Variants in COL23A1 observed in about 807,000 individuals in gnomAD.
COL23A1 encodes collagen alpha-1(XXIII) chain.
A neutral mutation model predicts 99.3 loss-of-function variants in COL23A1; 97 were observed. The ratio of observed to expected loss-of-function variants is 0.98; its 90% confidence interval spans 0.83 to 1.16. COL23A1 has a LOEUF of 1.16. Ranked by LOEUF, COL23A1 falls within the 50% of genes most tolerant of loss-of-function variation. The pLI is 0.00. For missense variants in COL23A1, 762 were observed against 757.4 expected, an observed-to-expected ratio of 1.01 and a Z score of -0.07; for synonymous variants, 320 against 308.2, an observed-to-expected ratio of 1.04 and a Z score of -0.40.
At chr5:178,393,298 G>C (rs12658363) in intron 2 of COL23A1, among the ~76,000 whole-genome samples, 1 of 152,056 alleles carries the variant, frequency 6.6e-6, no homozygotes, top group Non-Finnish European at 1.5e-5. Context: ...AGTCACGGAA[G>C]GACAAATGCT....
intron 2 of COL23A1, among the ~76,000 whole-genome samples, chr5:178,431,579 T>C (rs773305900): frequency 6.6e-6 from 1 of 152,188 alleles, no homozygotes; most frequent in African/African-American, 2.4e-5. Context: ...GTAGGCGATG[T>C]GGCCATGGAG....
In COL23A1 at chr5:178,589,620, G is replaced by A. The variant is rs1215255870; in HGVS notation, c.294+284C>T. ...GCACACCCCGTGGAGACTGACCCTA[G>A]GTCTGTTACTCCAAAGTCCCTGGTC... On this transcript the variant is annotated intron_variant, in intron 1 of 28. Transcript: ENST00000390654. The surrounding 1 kb of genome is among the most constrained non-coding windows in gnomAD (Gnocchi z 5.4). Among the ~76,000 whole-genome samples, 1 of 152,146 alleles carries A rather than the reference G, an allele frequency of 6.6e-6. No homozygotes were observed. Among genetic ancestry groups the A allele is most frequent in the African/African-American group, 2.4e-5 (1 of 41,444 alleles).
chr5:178,479,094 C>A (rs1482647360), intron 2 of COL23A1, among the ~76,000 whole-genome samples: 1 of 137,850 alleles, frequency 7.3e-6, no homozygotes, highest in African/African-American at 2.4e-5. Flanking sequence ...ACACAAGGAT[C>A]ACCCTCATGA....
intron 2 of COL23A1, among the ~76,000 whole-genome samples, chr5:178,400,108 T>G (rs1764357272): frequency 6.6e-6 from 1 of 152,134 alleles, no homozygotes. Context: ...GGCTCACACC[T>G]GTAATCCCAG....
intron 2 of COL23A1, among the ~76,000 whole-genome samples, chr5:178,401,171 T>C (rs183229456): frequency 6.0e-4 from 91 of 152,370 alleles, no homozygotes; most frequent in South Asian, 1.0e-3. Flanking sequence ...CTTTGTAACA[T>C]GTGTCAGCAT....
chr5:178,349,228 G>C (rs1394690146), intron 2 of COL23A1, among the ~76,000 whole-genome samples: 3 of 152,176 alleles, frequency 2.0e-5, no homozygotes, highest in Non-Finnish European at 2.9e-5. Context: ...CCAGCAATGA[G>C]TTGAGACCAG....
At chr5:178,423,530 C>T (rs777002981) in intron 2 of COL23A1, among the ~76,000 whole-genome samples, 1 of 152,108 alleles carries the variant, frequency 6.6e-6, no homozygotes, top group African/African-American at 2.4e-5. Flanking sequence ...GGCTGAGCCG[C>T]GATGCTCGAT....
intron 2 of COL23A1, among the ~76,000 whole-genome samples, chr5:178,550,276 T>C (rs74360669): frequency 0.057 from 8,614 of 152,276 alleles, 427 homozygotes; most frequent in Middle Eastern, 0.2. Context: ...TTCAAGGAAA[T>C]GTTTTCTTCT....
At chr5:178,273,942 G>T (rs1183026453) in intron 5 of COL23A1, among the ~76,000 whole-genome samples, 1 of 152,220 alleles carries the variant, frequency 6.6e-6, no homozygotes, top group Non-Finnish European at 1.5e-5. Flanking sequence ...AGGACCCTGG[G>T]CTGTGAACCT....
intron 2 of COL23A1, among the ~76,000 whole-genome samples, chr5:178,535,699 C>T (rs1187560357): frequency 6.6e-6 from 1 of 152,250 alleles, no homozygotes; most frequent in Non-Finnish European, 1.5e-5. Context: ...AGACCCATCA[C>T]CCTGCATCCT....
chr5:178,569,343 C>A (rs1336761897), intron 1 of COL23A1, among the ~76,000 whole-genome samples: 2 of 152,184 alleles, frequency 1.3e-5, no homozygotes, highest in Non-Finnish European at 2.9e-5. Context: ...CACGTAAATT[C>A]TTGATCAGGA....
intron 2 of COL23A1, among the ~76,000 whole-genome samples, chr5:178,436,511 G>A (rs1250979192): frequency 1.3e-5 from 2 of 152,146 alleles, no homozygotes; most frequent in African/African-American, 2.4e-5. Context: ...CACCAACTAC[G>A]GTCCAAACCA....
At chr5:178,547,829 ACACC>A (rs1761754446) in intron 2 of COL23A1, among the ~76,000 whole-genome samples, 2 of 10,936 alleles carry the variant, frequency 1.8e-4, no homozygotes, top group Non-Finnish European at 1.5e-4. Flanking sequence ...ACCCACCTAC[ACACC>A]CCCACACCCA....
intron 1 of COL23A1, among the ~76,000 whole-genome samples, chr5:178,576,315 T>C (rs1425017768): frequency 3.9e-5 from 6 of 152,176 alleles, no homozygotes; most frequent in African/African-American, 1.2e-4. Context: ...GTTAGCTCAC[T>C]GCAACCTCCG....
chr5:178,424,188 A>T (rs146816430), intron 2 of COL23A1, among the ~76,000 whole-genome samples: 2 of 152,316 alleles, frequency 1.3e-5, no homozygotes, highest in Non-Finnish European at 2.9e-5. Context: ...CTATTCATTC[A>T]TGCATCCTGC....
intron 2 of COL23A1, among the ~76,000 whole-genome samples, chr5:178,358,004 GTA>G (rs1288611908): frequency 1.6e-5 from 2 of 127,664 alleles, no homozygotes; most frequent in Admixed American, 7.9e-5. Context: ...GTGTGTATAT[GTA>G]TGTGTGTGTA....
intron 26 of COL23A1, 46 bp downstream of exon 26, chr5:178,242,295 C>T (rs1163059726): frequency 1.9e-6 from 3 of 1,597,806 alleles, no homozygotes; most frequent in Non-Finnish European, 1.7e-6. Context: ...CCACCTGCCT[C>T]CTTCCCCCTC....
In COL23A1 at chr5:178,288,348, C is replaced by T. The variant is rs775413339; in HGVS notation, c.417G>A (p.Gly139=). The T allele has an allele frequency of 3.1e-6, 5 of 1,611,742 alleles. No homozygotes were observed. Among genetic ancestry groups the T allele is most frequent in the Non-Finnish European group, 4.2e-6 (5 of 1,177,710 alleles). The change falls in exon 5 of 29, where the codon GGG becomes GGA. Residue 139 remains glycine (G), a splice_region_variant and synonymous_variant. Transcript: ENST00000390654. ...CCGGGTAGCCATCTCGTCCTGATTGCCCCTGTGGTAATTAATATGTCATTA... is the reference window on the plus strand; with the variant it reads ...CCGGGTAGCCATCTCGTCCTGATTGTCCCTGTGGTAATTAATATGTCATTA... ...PGRRGDPGPP[G]QSGRDGYPGP... is the part of the protein sequence containing the mutation.
At chr5:178,577,180 G>T (rs899823366) in intron 1 of COL23A1, among the ~76,000 whole-genome samples, 1 of 152,314 alleles carries the variant, frequency 6.6e-6, no homozygotes, top group Non-Finnish European at 1.5e-5. Flanking sequence ...GATCCCGCGG[G>T]TGGTCCGGAG....
Sources: gnomAD v4.1 joint callset for allele counts (sites outside exome capture counted in the v4.1 genomes callset) on GRCh38, gnomAD v4.1.1 for gene constraint, Gnocchi (gnomAD v3.1) non-coding constraint, MANE v1.5 for transcripts, NCBI Gene and HGNC (gene_info 2026-07-23, HGNC 2026-07-21) for gene names.